Variants in DHDDS observed in about 807,000 individuals in gnomAD.
DHDDS encodes the protein dehydrodolichyl diphosphate synthase complex subunit DHDDS.
In DHDDS, 16 loss-of-function variants were observed where a neutral mutation model predicts 46.2. The ratio of observed to expected loss-of-function variants is 0.35; its 90% CI spans 0.23 to 0.53. The LOEUF is 0.53. DHDDS is among the 20% of genes least tolerant of loss of function. The pLI, the probability that DHDDS is intolerant of heterozygous loss-of-function variation, is 0.94. For missense variants in DHDDS, 340 were observed against 423.7 expected (o/e 0.80, Z 1.73); for synonymous variants, 151 against 163.1 (o/e 0.93, Z 0.56).
chr1:26,468,673 AAAAC>A (rs1247560838), intron 8 of DHDDS, among the ~76,000 whole-genome samples: 1 of 152,158 alleles, frequency 6.6e-6, no homozygotes, highest in Admixed American at 6.5e-5. Flanking sequence ...GCTTCCACAC[AAAAC>A]AAACCAAGAT....
At chr1:26,460,870 CTTTA>C (rs777159938) in intron 8 of DHDDS, among the ~76,000 whole-genome samples, 163 of 152,158 alleles carry the variant, frequency 1.1e-3, no homozygotes, top group Non-Finnish European at 1.7e-3. Context: ...TGAATTTTAT[CTTTA>C]TTTATTTATT....
At chr1:26,449,481 G>A (rs1385032628) in intron 6 of DHDDS, among the ~76,000 whole-genome samples, 1 of 151,740 alleles carries the variant, frequency 6.6e-6, no homozygotes, top group African/African-American at 2.4e-5. Context: ...GCCCACTGTA[G>A]TCTGTGCCTC....
At chr1:26,455,080 G>C in intron 6 of DHDDS, 1 of 853,000 alleles carries the variant, frequency 1.2e-6, no homozygotes. Flanking sequence ...GCATACCCTT[G>C]ATGGCCTGGG....
At chr1:26,438,911 A>C (rs909848497) in intron 3 of DHDDS, among the ~76,000 whole-genome samples, 1 of 152,096 alleles carries the variant, frequency 6.6e-6, no homozygotes, top group Non-Finnish European at 1.5e-5. Context: ...TAGCTTCAGT[A>C]ACCTTATTTT....
chr1:26,465,867 TGC>T (rs2075480125), intron 8 of DHDDS, among the ~76,000 whole-genome samples: 1 of 152,108 alleles, frequency 6.6e-6, no homozygotes, highest in Non-Finnish European at 1.5e-5. Context: ...CCCTCAGAAA[TGC>T]ATTCCTCATG....
intron 6 of DHDDS, among the ~76,000 whole-genome samples, chr1:26,452,674 T>A (rs2075332595): frequency 6.6e-6 from 1 of 152,228 alleles, no homozygotes; most frequent in South Asian, 2.1e-4. Context: ...GAAAAGTAAC[T>A]TGTGCAAGTT....
Position 26,469,623 on chromosome 1 carries a change from G to C in DHDDS, c.*492G>C, listed in dbSNP as rs895348953. On this transcript the variant is annotated 3_prime_UTR_variant, in exon 9 of 9. Transcript: ENST00000236342. ...GGGTAAGGAAAAAAGGGGTGGGAGA[G>C]ACAGAAAATTTGCCCATCTGCTGCT... is the stretch of plus-strand genomic sequence containing the variant. The C allele has an allele frequency of 4.3e-6, 1 of 230,130 alleles. No individual in the cohort carries two copies. Among genetic ancestry groups the C allele is most frequent in the Non-Finnish European group, 8.8e-6 (1 of 113,048 alleles). 14.3% of individuals were successfully genotyped at this position (230,130 alleles called of 1,614,324 possible).
chr1:26,433,213 C>T (rs1273954814), intron 2 of DHDDS: 2 of 627,370 alleles, frequency 3.2e-6, no homozygotes, highest in Non-Finnish European at 5.6e-6. Context: ...TTCTGGAAGC[C>T]CAGGCCTCTT....
At chr1:26,464,437 G>A (rs1387668169) in intron 8 of DHDDS, among the ~76,000 whole-genome samples, 2 of 152,128 alleles carry the variant, frequency 1.3e-5, no homozygotes, top group Non-Finnish European at 1.5e-5. Flanking sequence ...TGTTTTTAGA[G>A]CAAGGAATCC....
At chr1:26,452,332 G>A (rs775776791) in intron 6 of DHDDS, among the ~76,000 whole-genome samples, 8 of 152,060 alleles carry the variant, frequency 5.3e-5, no homozygotes, top group Non-Finnish European at 7.4e-5. Flanking sequence ...TTTGAACCAC[G>A]GCACCTGACC....
At chr1:26,464,148 A>G (rs1010687077) in intron 8 of DHDDS, among the ~76,000 whole-genome samples, 2 of 151,686 alleles carry the variant, frequency 1.3e-5, no homozygotes, top group African/African-American at 4.8e-5. Flanking sequence ...ACGTGCCACC[A>G]CGCACAACTA....
rs940729947 is a variant in DHDDS, at chr1:26,470,627, C to T, written c.*1496C>T. On this transcript the variant is annotated 3_prime_UTR_variant, in exon 9 of 9. Coordinates refer to ENST00000236342, the MANE Select transcript of DHDDS (RefSeq NM_205861.3). ...AGACTTCTTGGCTATTGTCCATGCT[C>T]CCAGAATCAAGCATAAATGCCAGAC... The T allele has an allele frequency of 1.3e-5, 2 of 152,636 alleles. No homozygotes were observed. The highest frequency in any genetic ancestry group is 2.4e-5 in the African/African-American group (1 of 41,420). The allele number at this position is 152,636 out of a possible 1,614,324, so 9.5% of individuals were successfully genotyped here.
chr1:26,451,099 G>T (rs1024361382), intron 6 of DHDDS, among the ~76,000 whole-genome samples: 4 of 152,124 alleles, frequency 2.6e-5, no homozygotes, highest in African/African-American at 9.7e-5. Context: ...TGTCCTGCAT[G>T]GTTTAGTAAC....
intron 5 of DHDDS, 58 bp downstream of exon 5, chr1:26,446,490 T>G (rs1001652738): frequency 6.5e-7 from 1 of 1,528,100 alleles, no homozygotes; most frequent in Non-Finnish European, 9.1e-7. Context: ...CCTGCTGGCT[T>G]TAGGGAGACG....
chr1:26,453,122 A>T (rs550736622), intron 6 of DHDDS, among the ~76,000 whole-genome samples: 1 of 151,660 alleles, frequency 6.6e-6, no homozygotes, highest in African/African-American at 2.4e-5. Context: ...ACACACACAC[A>T]CTCACTTTTG....
intron 6 of DHDDS, among the ~76,000 whole-genome samples, chr1:26,453,513 T>C (rs756206035): frequency 6.6e-5 from 10 of 152,198 alleles, no homozygotes; most frequent in Non-Finnish European, 1.2e-4. Flanking sequence ...TCCAGCACTT[T>C]AGGTGGCTGA....
chr1:26,468,381 A>T (rs1165070263), intron 8 of DHDDS, among the ~76,000 whole-genome samples: 1 of 152,194 alleles, frequency 6.6e-6, no homozygotes, highest in Non-Finnish European at 1.5e-5. Context: ...GTCCCCGACA[A>T]GAATAGGACC....
chr1:26,446,789 ATTC>A (rs1332746804), intron 5 of DHDDS, among the ~76,000 whole-genome samples: 5 of 152,150 alleles, frequency 3.3e-5, no homozygotes, highest in Admixed American at 3.3e-4. Context: ...CCTTCAAGAA[ATTC>A]TTGTTCTGTT....
Position 26,469,507 on chromosome 1 carries a change from C to T in DHDDS, c.*376C>T. 1 of 319,270 alleles carries T rather than the reference C, an allele frequency of 3.1e-6. No individual in the cohort carries two copies. 19.8% of individuals were successfully genotyped at this position (319,270 alleles called of 1,614,324 possible). A position where few individuals can be genotyped will look rare whatever the true frequency, so the allele number is the denominator to read the frequency against. On this transcript the variant is annotated 3_prime_UTR_variant, in exon 9 of 9. Coordinates refer to ENST00000236342, the MANE Select transcript of DHDDS (RefSeq NM_205861.3). ...TCTCCCCAAAACCCTAGCTCTTTAC[C>T]CTTCCATTTTAGCCTTCCACCCAGC...
Sources: allele counts gnomAD v4.1 joint callset (sites outside exome capture counted in the v4.1 genomes callset), GRCh38; gene constraint gnomAD v4.1.1; transcripts MANE v1.5; gene names NCBI Gene and HGNC (gene_info 2026-07-23, HGNC 2026-07-21).